WDR72: variants seen among roughly 807,000 people sequenced by gnomAD.
WDR72 encodes WD repeat domain 72.
A neutral mutation model predicts 124.2 loss-of-function variants in WDR72; 120 were observed. The observed-to-expected ratio is 0.97, with a 90% CI of 0.83 to 1.12. The LOEUF (loss-of-function observed/expected upper bound fraction) is 1.12, where lower values mean the gene tolerates loss of function less well. WDR72 is among the 50% of genes most tolerant of loss of function. The probability of loss-of-function intolerance (pLI) is 0.00; values close to 1 mark genes in which losing one functional copy is unlikely to be tolerated. For synonymous variants in WDR72, 452 were observed against 441.7 expected (o/e 1.02, Z -0.29); for missense variants, 1,387 against 1,278.8 (o/e 1.08, Z -1.29).
chr15:53,606,389 G>A (rs1332119302), intron 17 of WDR72, among the ~76,000 whole-genome samples: 1 of 152,032 alleles, frequency 6.6e-6, no homozygotes, highest in Non-Finnish European at 1.5e-5. Flanking sequence ...TTATTACAGA[G>A]GTTGCCTGCA....
chr15:53,658,040 C>T (rs935489979), intron 14 of WDR72, among the ~76,000 whole-genome samples: 2 of 152,142 alleles, frequency 1.3e-5, no homozygotes, highest in Non-Finnish European at 2.9e-5. Context: ...TTAAAAAATG[C>T]AGCTTTTTCA....
chr15:53,710,405 A>C (rs2017500410), intron 9 of WDR72, among the ~76,000 whole-genome samples: 1 of 152,188 alleles, frequency 6.6e-6, no homozygotes, highest in Non-Finnish European at 1.5e-5. Flanking sequence ...TGAGAAAGTA[A>C]ATATAGCAAA....
At chr15:53,687,449 C>A (rs941859726) in intron 13 of WDR72, among the ~76,000 whole-genome samples, 1 of 151,486 alleles carries the variant, frequency 6.6e-6, no homozygotes, top group Non-Finnish European at 1.5e-5. Flanking sequence ...TTCAAATAAA[C>A]TAGAAAATCT....
At chr15:53,604,912 T>C (rs2013208476) in intron 17 of WDR72, among the ~76,000 whole-genome samples, 1 of 152,184 alleles carries the variant, frequency 6.6e-6, no homozygotes, top group Non-Finnish European at 1.5e-5. Flanking sequence ...AGTTCAGCCA[T>C]TGTGGAAGAC....
At chr15:53,550,485 T>A (rs1430447099) in intron 18 of WDR72, among the ~76,000 whole-genome samples, 1 of 152,220 alleles carries the variant, frequency 6.6e-6, no homozygotes, top group Non-Finnish European at 1.5e-5. Flanking sequence ...TGGGAGCTTA[T>A]CAGAATCTCT....
chr15:53,671,541 T>C (rs2015989411), intron 13 of WDR72, among the ~76,000 whole-genome samples: 1 of 152,194 alleles, frequency 6.6e-6, no homozygotes, highest in Non-Finnish European at 1.5e-5. Context: ...ATTGAAGAAT[T>C]TTATCCTTTC....
At chr15:53,706,397 GCT>G (rs2017378256) in intron 9 of WDR72, among the ~76,000 whole-genome samples, 2 of 73,946 alleles carry the variant, frequency 2.7e-5, no homozygotes, top group African/African-American at 4.9e-5. Flanking sequence ...TATATATATG[GCT>G]ATGTGTACAC....
Position 53,722,901 on chromosome 15 carries a change from G to T in WDR72, c.161C>A (p.Ala54Glu). ...TGAATGACCAAATAGGAGTTCTTTC[G>T]CTGAAATCTGAAAATAATGAGAGTG... ...WNLSHELKIS[A>E]KELLFGHSAS... The change falls in exon 3 of 20, where the codon GCG (alanine) becomes GAG (glutamate). Residue 54 changes from alanine (A) to glutamate (E), a missense_variant. Coordinates refer to ENST00000360509, the MANE Select transcript of WDR72 (RefSeq NM_182758.4). 1.2e-6 allele frequency: 2 copies of T among 1,613,846 alleles called. No individual in the cohort carries two copies. Among genetic ancestry groups the T allele is most frequent in the Non-Finnish European group, 1.7e-6 (2 of 1,179,848 alleles).
intron 14 of WDR72, among the ~76,000 whole-genome samples, chr15:53,659,436 C>T (rs1344422037): frequency 6.6e-6 from 1 of 152,006 alleles, no homozygotes; most frequent in Non-Finnish European, 1.5e-5. Context: ...ATTTACATGG[C>T]CAACGAATGT....
Position 53,615,957 on chromosome 15 carries a change from A to C in WDR72, c.2249T>G (p.Leu750Arg), listed in dbSNP as rs746750448. The change falls in exon 15 of 20, where the codon CTG (leucine) becomes CGG (arginine). Residue 750 changes from leucine (L) to arginine (R), a missense_variant. Leu to Arg is a moderately radical substitution (Grantham distance 102). Coordinates refer to ENST00000360509, the MANE Select transcript of WDR72 (RefSeq NM_182758.4). ...TTTGATGGTATTATCTCCTTGGGCC[A>C]GGCTTTCAGTAATAGGCTTGGCTAG... is the stretch of plus-strand genomic sequence containing the variant. Reference protein sequence around the residue: ...EALAKPITESLAQGDNTIKFS... With the variant: ...EALAKPITESRAQGDNTIKFS... The C allele has an allele frequency of 1.9e-6, 3 of 1,613,186 alleles. No individual in the cohort carries two copies. Among genetic ancestry groups the C allele is most frequent in the African/African-American group, 2.7e-5 (2 of 74,848 alleles).
chr15:53,587,391 A>G (rs538374627), intron 18 of WDR72, among the ~76,000 whole-genome samples: 1 of 152,090 alleles, frequency 6.6e-6, no homozygotes, highest in Admixed American at 6.6e-5. Flanking sequence ...CAGAATCACC[A>G]CACACACAGA....
chr15:53,701,146 A>G (rs1177804073), intron 12 of WDR72, among the ~76,000 whole-genome samples: 1 of 152,210 alleles, frequency 6.6e-6, no homozygotes, highest in Non-Finnish European at 1.5e-5. Flanking sequence ...AGAAAATTCT[A>G]CCTAAAGCGA....
intron 2 of WDR72, among the ~76,000 whole-genome samples, chr15:53,727,369 C>T (rs2140593763): frequency 6.6e-6 from 1 of 152,134 alleles, no homozygotes; most frequent in South Asian, 2.1e-4. Context: ...GTAACTCAGC[C>T]ATATTAATGA....
intron 13 of WDR72, among the ~76,000 whole-genome samples, chr15:53,693,801 T>G (rs1198297225): frequency 1.3e-5 from 2 of 152,220 alleles, no homozygotes; most frequent in African/African-American, 4.8e-5. Context: ...TAATTTCTTA[T>G]GAATAGGTTT....
At chr15:53,646,169 T>C (rs1321811818) in intron 14 of WDR72, among the ~76,000 whole-genome samples, 1 of 152,190 alleles carries the variant, frequency 6.6e-6, no homozygotes, top group Admixed American at 6.6e-5. Context: ...GCAGTCATTT[T>C]CTTTTACACT....
intron 13 of WDR72, among the ~76,000 whole-genome samples, chr15:53,678,128 G>A (rs1010702893): frequency 2.0e-5 from 3 of 152,148 alleles, no homozygotes; most frequent in Non-Finnish European, 4.4e-5. Context: ...GAAGAGAACT[G>A]AAGAAAGAAC....
At chr15:53,647,093 C>G (rs983017917) in intron 14 of WDR72, among the ~76,000 whole-genome samples, 10 of 151,968 alleles carry the variant, frequency 6.6e-5, no homozygotes, top group African/African-American at 1.5e-4. Flanking sequence ...TGTGAAAAAT[C>G]AGAATTATTT....
At chr15:53,711,186 C>G (rs1465873510) in intron 8 of WDR72, 150 bp downstream of exon 8, 1 of 1,136,066 alleles carries the variant, frequency 8.8e-7, no homozygotes, top group African/African-American at 1.5e-5. Context: ...AAGGCTGAAG[C>G]CTACCAAGCC....
chr15:53,667,104 C>G (rs893522379), intron 13 of WDR72, among the ~76,000 whole-genome samples: 8 of 152,140 alleles, frequency 5.3e-5, no homozygotes, highest in African/African-American at 1.9e-4. Flanking sequence ...GTAATCCCAG[C>G]ACTTTTGGAG....
Sources: allele counts gnomAD v4.1 joint callset (sites outside exome capture counted in the v4.1 genomes callset), GRCh38; gene constraint gnomAD v4.1.1; transcripts MANE v1.5; gene names NCBI Gene and HGNC (gene_info 2026-07-23, HGNC 2026-07-21).